SIPA1L3: variants seen among roughly 807,000 people sequenced by gnomAD.
SIPA1L3 encodes the protein signal-induced proliferation-associated 1-like protein 3.
A neutral mutation model predicts 150.1 loss-of-function variants in SIPA1L3; 59 were observed. The ratio of observed to expected loss-of-function variants is 0.39; its 90% CI spans 0.32 to 0.49. The LOEUF (loss-of-function observed/expected upper bound fraction) is 0.49. Among genes scored for constraint, SIPA1L3 ranks in the 20% least tolerant of loss-of-function variants. The pLI is 0.86. For missense variants in SIPA1L3, 2,211 were observed against 2,489.5 expected, an observed-to-expected ratio of 0.89 and a Z score of 2.38; for synonymous variants, 1,070 against 1,077.6, an observed-to-expected ratio of 0.99 and a Z score of 0.14.
At chr19:38,105,045 A>G (rs1485765168) in intron 6 of SIPA1L3, among the ~76,000 whole-genome samples, 1 of 152,012 alleles carries the variant, frequency 6.6e-6, no homozygotes, top group Admixed American at 6.6e-5. Context: ...ACACTGAGGC[A>G]GCATTGAATA....
rs1205409271 is a variant in SIPA1L3, at chr19:38,192,246, A to C, written c.4532A>C (p.Glu1511Ala). Residue 1511 changes from glutamate (E) to alanine (A), a missense_variant, in exon 17 of 22, where the codon GAG becomes GCG. Glu to Ala is a moderately radical substitution (Grantham distance 107). Coordinates refer to ENST00000222345, the MANE Select transcript of SIPA1L3 (RefSeq NM_015073.3). Reference protein sequence around the residue: ...SPRKNYKSTIEDDLKKLIIMD... With the variant: ...SPRKNYKSTIADDLKKLIIMD... ...CGGAAGAACTACAAATCCACCATCG[A>C]GGATGACCTGAAGAAACTCATCATC... 6 of 1,613,678 alleles carry C rather than the reference A, an allele frequency of 3.7e-6. No individual in the cohort carries two copies. Among genetic ancestry groups the C allele is most frequent in the Non-Finnish European group, 5.1e-6 (6 of 1,179,826 alleles).
At chr19:38,100,621 C>T (rs933547932) in intron 5 of SIPA1L3, among the ~76,000 whole-genome samples, 1 of 152,156 alleles carries the variant, frequency 6.6e-6, no homozygotes, top group African/African-American at 2.4e-5. Context: ...CAGGGGGATC[C>T]GGGATACCTA....
chr19:38,202,278 C>T (rs187040441), intron 20 of SIPA1L3, among the ~76,000 whole-genome samples: 105 of 152,302 alleles, frequency 6.9e-4, no homozygotes, highest in African/African-American at 1.0e-3. Context: ...ACAGTTGTTT[C>T]GCTTCCAACT....
chr19:38,201,680 G>C (rs1044530135), intron 19 of SIPA1L3, among the ~76,000 whole-genome samples, 182 bp from the exon 20 acceptor site: 1 of 152,184 alleles, frequency 6.6e-6, no homozygotes, highest in South Asian at 2.1e-4. Context: ...TTTTGATTGT[G>C]TTCTTGTTTT....
At chr19:38,124,138 G>T (rs1475611240) in intron 9 of SIPA1L3, among the ~76,000 whole-genome samples, 2 of 150,252 alleles carry the variant, frequency 1.3e-5, no homozygotes, top group Admixed American at 6.6e-5. Context: ...GGTGGCTGCC[G>T]GGCGGAGACG....
chr19:38,009,110 C>T (rs1333262835), intron 1 of SIPA1L3, among the ~76,000 whole-genome samples: 2 of 152,090 alleles, frequency 1.3e-5, no homozygotes, highest in Non-Finnish European at 2.9e-5. Flanking sequence ...TCTCGGCTCA[C>T]TGCAACCTCC....
intron 2 of SIPA1L3, among the ~76,000 whole-genome samples, chr19:38,080,417 G>A (rs889072023): frequency 6.6e-6 from 1 of 152,192 alleles, no homozygotes; most frequent in Non-Finnish European, 1.5e-5. Flanking sequence ...CAAGTAAAGA[G>A]CATCAAAATA....
rs1432325473 is a variant in SIPA1L3, at chr19:38,081,358, A to G, written c.-208A>G. On this transcript the variant is annotated 5_prime_UTR_variant, in exon 3 of 22. Coordinates refer to ENST00000222345, the MANE Select transcript of SIPA1L3 (RefSeq NM_015073.3). ...CTCGGTCTGGAGCCCCCAGGACAGC[A>G]CCTGCTTCCTGAGGTTGTCCTGGCT... is the stretch of plus-strand genomic sequence containing the variant. 2.7e-5 allele frequency: 15 copies of G among 559,364 alleles called. No individual in the cohort carries two copies. Among genetic ancestry groups the G allele is most frequent in the Middle Eastern group, 4.7e-4 (1 of 2,126 alleles). 34.7% of individuals were successfully genotyped at this position (559,364 alleles called of 1,614,324 possible). A position where few individuals can be genotyped will look rare whatever the true frequency, so the allele number is the denominator to read the frequency against.
rs1052506600 is a variant in SIPA1L3, at chr19:38,046,278, G to C, written c.-311+17122G>C. On this transcript the variant is annotated intron_variant, in intron 2 of 21. Transcript: ENST00000222345. This position sits in a 1 kb window ranked among gnomAD's most constrained non-coding sequence, Gnocchi z 5.6. ...CCCCGCCTCCTCCATAGACCTCCAG[G>C]CCTCTCAAAAGGGACCCCCACCTGC... Among the ~76,000 whole-genome samples the C allele has an allele frequency of 3.3e-5, 5 of 152,122 alleles. No homozygotes were observed. The highest frequency in any genetic ancestry group is 1.2e-4 in the African/African-American group (5 of 41,430).
intron 9 of SIPA1L3, among the ~76,000 whole-genome samples, chr19:38,124,407 G>A (rs1007682878): frequency 1.3e-4 from 20 of 149,476 alleles, no homozygotes; most frequent in African/African-American, 2.8e-4. Context: ...GACGATGGGC[G>A]GCCGGGCAGA....
chr19:38,116,723 G>A (rs1473475481), intron 8 of SIPA1L3, among the ~76,000 whole-genome samples: 2 of 151,944 alleles, frequency 1.3e-5, no homozygotes, highest in African/African-American at 4.8e-5. Flanking sequence ...GCATGGTGGT[G>A]CACGCCTGTA....
intron 2 of SIPA1L3, among the ~76,000 whole-genome samples, chr19:38,052,882 C>T (rs993540728): frequency 4.6e-5 from 7 of 152,242 alleles, no homozygotes; most frequent in East Asian, 3.8e-4. Context: ...TCCTGCCCAT[C>T]GCACTGGGCT....
At chr19:37,940,113 G>A (rs1321721495) in intron 1 of SIPA1L3, among the ~76,000 whole-genome samples, 1 of 151,952 alleles carries the variant, frequency 6.6e-6, no homozygotes, top group Non-Finnish European at 1.5e-5. Context: ...AGAGATAAGG[G>A]GTGTGAAGAA....
intron 1 of SIPA1L3, among the ~76,000 whole-genome samples, chr19:37,925,169 A>G (rs1465123571): frequency 6.6e-6 from 1 of 152,176 alleles, no homozygotes; most frequent in Non-Finnish European, 1.5e-5. Context: ...TGAATAATGC[A>G]TGGCTCTCCG....
rs552344767 is a variant in SIPA1L3 at position 38,117,966 on chromosome 19, G to A, written c.2292-1340G>A. Among the ~76,000 whole-genome samples, 49 of 151,968 alleles carry A rather than the reference G, an allele frequency of 3.2e-4. 1 individual carries two copies. The highest frequency in any genetic ancestry group is 9.2e-4 in the African/African-American group (38 of 41,474). On this transcript the variant is annotated intron_variant, in intron 8 of 21. Transcript: ENST00000222345. ...ACACCCAGCCTCATTTTCTCTTTACGCTCTCCTGAGTTGCTATCAGATTTT... is the reference window on the plus strand; with the variant it reads ...ACACCCAGCCTCATTTTCTCTTTACACTCTCCTGAGTTGCTATCAGATTTT...
At chr19:38,065,932 T>TATTC (rs1270182629) in intron 2 of SIPA1L3, among the ~76,000 whole-genome samples, 1 of 147,054 alleles carries the variant, frequency 6.8e-6, no homozygotes, top group African/African-American at 2.5e-5. Flanking sequence ...TTTATTTATT[T>TATTC]ATTTATTTAT....
chr19:38,024,442 C>T (rs1207478403), intron 1 of SIPA1L3, among the ~76,000 whole-genome samples: 2 of 152,024 alleles, frequency 1.3e-5, no homozygotes, highest in East Asian at 3.9e-4. Flanking sequence ...CCTGGAGCCT[C>T]GCTTGCAGCC....
chr19:37,911,942 G>A (rs1271167030), intron 1 of SIPA1L3, among the ~76,000 whole-genome samples: 2 of 151,860 alleles, frequency 1.3e-5, no homozygotes, highest in African/African-American at 4.8e-5. Flanking sequence ...CGTGGTGGCC[G>A]GTGCCTGTAG....
At chr19:38,074,071 C>T (rs971764752) in intron 2 of SIPA1L3, among the ~76,000 whole-genome samples, 14 of 152,208 alleles carry the variant, frequency 9.2e-5, no homozygotes, top group Admixed American at 8.5e-4. Context: ...TCTCTCATCA[C>T]GGGGGTTCCC....
Sources: gnomAD v4.1 joint callset for allele counts (sites outside exome capture counted in the v4.1 genomes callset) on GRCh38, gnomAD v4.1.1 for gene constraint, Gnocchi (gnomAD v3.1) non-coding constraint, MANE v1.5 for transcripts, NCBI Gene and HGNC (gene_info 2026-07-23, HGNC 2026-07-21) for gene names.